The following NLRC5 variants were observed in gnomAD, a reference collection of about 807,000 sequenced individuals.
NLRC5 encodes NLR family CARD domain containing 5, also known as protein NLRC5.
A neutral mutation model predicts 206.9 loss-of-function variants in NLRC5; 114 were observed. The observed-to-expected ratio is 0.55, with a 90% CI of 0.47 to 0.64. The LOEUF (loss-of-function observed/expected upper bound fraction) is 0.64, where lower values mean the gene tolerates loss of function less well. Ranked by LOEUF, NLRC5 falls within the 30% of genes least tolerant of loss-of-function variation. The probability of loss-of-function intolerance (pLI) is 0.00; values close to 1 mark genes in which losing one functional copy is unlikely to be tolerated. For synonymous variants in NLRC5, 952 were observed against 962.8 expected (o/e 0.99, Z 0.21); for missense variants, 2,008 against 2,305.5 (o/e 0.87, Z 2.64).
chr16:57,041,458 C>A (rs374664815), intron 17 of NLRC5, 27 bp from the exon 18 acceptor site: 27 of 1,591,812 alleles, frequency 1.7e-5, no homozygotes, highest in Admixed American at 1.0e-4. Flanking sequence ...GTGGGGCATG[C>A]AGCACTGTGT....
At position 57,034,192 on chromosome 16, in the gene NLRC5, C is replaced by G; in HGVS notation, c.2568C>G (p.Val856=). 6.2e-7 allele frequency: 1 copy of G among 1,614,086 alleles called. No homozygotes were observed. Among genetic ancestry groups the G allele is most frequent in the Non-Finnish European group, 8.5e-7 (1 of 1,179,968 alleles). ...TLRLQKCQLQ[V]HDAEALIALL... is the part of the protein sequence containing the mutation. ...GGCTGCAGAAGTGTCAGCTCCAGGTCCACGATGCGGAGGCCCTCATAGCCC... is the reference window on the plus strand; with the variant it reads ...GGCTGCAGAAGTGTCAGCTCCAGGTGCACGATGCGGAGGCCCTCATAGCCC... Residue 856 remains valine, a synonymous_variant, in exon 13 of 49, where the codon GTC becomes GTG. Coordinates refer to ENST00000688547, the MANE Select transcript of NLRC5 (RefSeq NM_001384950.1).
At position 57,061,473 on chromosome 16, in the gene NLRC5, G is replaced by A; in HGVS notation, c.4012G>A (p.Glu1338Lys). The A allele has an allele frequency of 6.2e-7, 1 of 1,611,432 alleles. No individual in the cohort carries two copies. The highest frequency in any genetic ancestry group is 8.5e-7 in the Non-Finnish European group (1 of 1,180,020). ...LRLSECSFRPEHVSRLATGLS... is the reference protein window; with the variant it reads ...LRLSECSFRPKHVSRLATGLS... ...GCTAAGTGAGTGCAGCTTCCGGCCA[G>A]AGCACGTGTCCAGGCTGGCCACCGG... is the stretch of plus-strand genomic sequence containing the variant. The change falls in exon 31 of 49, where the codon GAG (glutamate) becomes AAG (lysine). Residue 1338 changes from glutamate (E) to lysine (K), a missense_variant. By Grantham distance (56) the Glu-to-Lys change is moderately conservative. Coordinates refer to ENST00000688547, the MANE Select transcript of NLRC5 (RefSeq NM_001384950.1).
chr16:57,026,396 A>G lies in NLRC5; in HGVS notation c.1453A>G (p.Ile485Val), dbSNP rs377191930. ...FYAKDIAPPL[I>V]AFGATHSLLT... The stretch of plus-strand genomic sequence containing the variant: ...TGCAAAAGATATTGCTCCACCCTTG[A>G]TAGCTTTTGGGGCCACTCACAGCCT... Residue 485 changes from isoleucine (I) to valine (V), a missense_variant, in exon 6 of 49, where the codon ATA (isoleucine) becomes GTA (valine). Physicochemically the swap from Ile to Val is conservative, Grantham distance 29 (BLOSUM62 3). Transcript: ENST00000688547. 3 of 1,613,978 alleles carry G rather than the reference A, an allele frequency of 1.9e-6. No homozygotes were observed. Among genetic ancestry groups the G allele is most frequent in the South Asian group, 1.1e-5 (1 of 91,090 alleles).
At position 57,065,289 on chromosome 16, in the gene NLRC5, C is replaced by A; in HGVS notation, c.4232C>A (p.Thr1411Asn). The A allele has an allele frequency of 6.3e-7, 1 of 1,576,956 alleles. No individual in the cohort carries two copies. The part of the protein sequence containing the change: ...EVCAQASGSV[T>N]EISISETQQQ... ...TGCGCCCAGGCCTCAGGCAGTGTCA[C>A]TGAAATCAGGTGAGTCCAGAGAAGA... is the stretch of plus-strand genomic sequence containing the variant. Residue 1411 changes from threonine (T) to asparagine (N), a missense_variant, in exon 33 of 49, where the codon ACT (threonine) becomes AAT (asparagine). Physicochemically the swap from Thr to Asn is moderately conservative, Grantham distance 65. Transcript: ENST00000688547.
intron 12 of NLRC5, among the ~76,000 whole-genome samples, 192 bp downstream of exon 12, chr16:57,033,861 G>A (rs1160396072): frequency 6.6e-6 from 1 of 152,182 alleles, no homozygotes; most frequent in African/African-American, 2.4e-5. Flanking sequence ...AATAACAATA[G>A]CTGCAACTTA....
intron 27 of NLRC5, among the ~76,000 whole-genome samples, chr16:57,057,802 G>A (rs1411376796): frequency 1.3e-5 from 2 of 152,192 alleles, no homozygotes; most frequent in South Asian, 2.1e-4. Flanking sequence ...GGAAGGGATG[G>A]TGATGGTGGT....
At position 57,023,833 on chromosome 16, in the gene NLRC5, A is replaced by T; in HGVS notation, c.404A>T (p.Gln135Leu). ...TGTGGGTCCTCACCCCGCCGGAAGC[A>T]GTGCAAGAAGCAGCAGCTAGGTGGG... is the stretch of plus-strand genomic sequence containing the variant. ...QSCGSSPRRK[Q>L]CKKQQLELAK... Residue 135 changes from glutamine to leucine, a missense_variant, in exon 5 of 49, where the codon CAG becomes CTG. By Grantham distance (113) the Gln-to-Leu change is moderately radical. Transcript: ENST00000688547. 1 of 1,611,850 alleles carries T rather than the reference A, an allele frequency of 6.2e-7. No individual in the cohort carries two copies. The highest frequency in any genetic ancestry group is 8.5e-7 in the Non-Finnish European group (1 of 1,178,950).
intron 1 of NLRC5, among the ~76,000 whole-genome samples, chr16:57,016,845 G>A (rs959754629): frequency 6.6e-6 from 1 of 152,196 alleles, no homozygotes. Flanking sequence ...TGAGCCAGGT[G>A]TGGCAGGAGG....
chr16:57,007,267 A>G (rs1368679762), intron 1 of NLRC5, among the ~76,000 whole-genome samples: 1 of 152,238 alleles, frequency 6.6e-6, no homozygotes, highest in African/African-American at 2.4e-5. Flanking sequence ...CTCCACGTCC[A>G]CGTGGAATGA....
chr16:57,067,589 G>C, intron 35 of NLRC5, 119 bp downstream of exon 35: 3 of 1,355,260 alleles, frequency 2.2e-6, no homozygotes, highest in Non-Finnish European at 3.1e-6. Flanking sequence ...ATCACACTTG[G>C]CCAGTGGAGG....
At chr16:57,076,597 C>G (rs1422226615) in intron 39 of NLRC5, among the ~76,000 whole-genome samples, 1 of 152,240 alleles carries the variant, frequency 6.6e-6, no homozygotes, top group Non-Finnish European at 1.5e-5. Flanking sequence ...TCTGGCCAGT[C>G]ACAGCTCACT....
chr16:57,076,343 G>A (rs1235258757), intron 39 of NLRC5, among the ~76,000 whole-genome samples: 1 of 152,226 alleles, frequency 6.6e-6, no homozygotes, highest in African/African-American at 2.4e-5. Context: ...CAAGGTCAGG[G>A]CTCAGTAAAG....
At chr16:57,081,265 C>T in intron 47 of NLRC5, 84 bp downstream of exon 47, 2 of 1,338,588 alleles carry the variant, frequency 1.5e-6, no homozygotes, top group Non-Finnish European at 1.0e-6. Context: ...GGTCAGTCCC[C>T]TGCCTCCCAG....
At chr16:56,997,771 G>A (rs781332322) in intron 1 of NLRC5, among the ~76,000 whole-genome samples, 6 of 151,980 alleles carry the variant, frequency 3.9e-5, no homozygotes, top group Non-Finnish European at 8.8e-5. Flanking sequence ...TGTAGAGATG[G>A]GGTTTCTCCA....
At chr16:57,061,588 G>A in intron 31 of NLRC5, 30 bp from the exon 32 acceptor site, 1 of 1,609,400 alleles carries the variant, frequency 6.2e-7, no homozygotes, top group East Asian at 2.2e-5. Flanking sequence ...CCCTGCCAGA[G>A]CCACCTCAGT....
intron 32 of NLRC5, among the ~76,000 whole-genome samples, chr16:57,064,508 C>G (rs898821197): frequency 6.6e-6 from 1 of 152,154 alleles, no homozygotes; most frequent in Admixed American, 6.5e-5. Flanking sequence ...CTGTTTCTTT[C>G]CACACTTTTT....
intron 39 of NLRC5, 53 bp downstream of exon 39, chr16:57,074,736 C>A: frequency 6.6e-7 from 1 of 1,525,770 alleles, no homozygotes; most frequent in South Asian, 1.1e-5. Context: ...ACTTCCCACT[C>A]AGTTGGGACC....
intron 46 of NLRC5, among the ~76,000 whole-genome samples, chr16:57,080,263 A>T (rs1339629527): frequency 6.6e-6 from 1 of 152,154 alleles, no homozygotes; most frequent in African/African-American, 2.4e-5. Context: ...CACCAAAGCG[A>T]AAGTCTCAGA....
Position 57,039,849 on chromosome 16 carries a change from G to C in NLRC5, c.2870G>C (p.Arg957Thr), listed in dbSNP as rs763607920. ...GAGGAGCAGAAGGGGCCCCAGGAGAGGTAGGGCCCGATTTCACCCCAACTC... is the reference window on the plus strand; with the variant it reads ...GAGGAGCAGAAGGGGCCCCAGGAGACGTAGGGCCCGATTTCACCCCAACTC... ...EPEEQKGPQE[R>T]AAFLDSLMLQ... is the part of the protein sequence containing the mutation. The change falls in exon 16 of 49, where the codon AGG becomes ACG. Residue 957 changes from arginine to threonine, a missense_variant and splice_region_variant. By Grantham distance (71) the Arg-to-Thr change is moderately conservative. Transcript: ENST00000688547. 1 of 1,613,328 alleles carries C rather than the reference G, an allele frequency of 6.2e-7. No homozygotes were observed. Among genetic ancestry groups the C allele is most frequent in the African/African-American group, 1.3e-5 (1 of 74,922 alleles).
Sources: allele counts gnomAD v4.1 joint callset (sites outside exome capture counted in the v4.1 genomes callset), GRCh38; gene constraint gnomAD v4.1.1; transcripts MANE v1.5; gene names NCBI Gene and HGNC (gene_info 2026-07-23, HGNC 2026-07-21).